Variants in EMCN observed in about 807,000 individuals in gnomAD.
The protein encoded by EMCN is MUC-14.
A neutral mutation model predicts 38.4 loss-of-function variants in EMCN; 37 were observed. The observed-to-expected ratio is 0.96, with a 90% confidence interval of 0.74 to 1.27. The LOEUF (loss-of-function observed/expected upper bound fraction) is 1.27. Ranked by LOEUF, EMCN falls within the 50% of genes most tolerant of loss-of-function variation. The pLI, the probability that EMCN is intolerant of heterozygous loss-of-function variation, is 0.00. For missense variants in EMCN, 318 were observed against 302.8 expected, an observed-to-expected ratio of 1.05 and a Z score of -0.37; for synonymous variants, 95 against 100.8, an observed-to-expected ratio of 0.94 and a Z score of 0.35.
At chr4:100,442,164 T>C (rs909686820) in intron 5 of EMCN, among the ~76,000 whole-genome samples, 1 of 152,196 alleles carries the variant, frequency 6.6e-6, no homozygotes, top group Non-Finnish European at 1.5e-5. Context: ...TTGAACATAG[T>C]ATAGTTGGCT....
chr4:100,475,873 G>A lies in EMCN; in HGVS notation c.188-764C>T, dbSNP rs142841623. On this transcript the variant is annotated intron_variant, in intron 2 of 11. Coordinates refer to ENST00000296420, the MANE Select transcript of EMCN (RefSeq NM_016242.4). ...TTTTGTATTTTTTGTTGGTAGAGAC[G>A]GGGTTTCACCGTGTTAGCGAGGATG... Among the ~76,000 whole-genome samples, 108 of 151,706 alleles carry A rather than the reference G, an allele frequency of 7.1e-4. 1 individual carries two copies. The highest frequency in any genetic ancestry group is 1.0e-3 in the Non-Finnish European group (69 of 67,892).
intron 5 of EMCN, among the ~76,000 whole-genome samples, chr4:100,442,737 T>A (rs967168466): frequency 6.6e-6 from 1 of 152,152 alleles, no homozygotes; most frequent in Non-Finnish European, 1.5e-5. Flanking sequence ...ATATCTGTCT[T>A]TTCATTGAAT....
chr4:100,408,288 A>C (rs1008110892), intron 11 of EMCN, among the ~76,000 whole-genome samples: 1 of 152,146 alleles, frequency 6.6e-6, no homozygotes, highest in African/African-American at 2.4e-5. Flanking sequence ...GGAGGTAAGG[A>C]GGCAATCTGG....
intron 3 of EMCN, among the ~76,000 whole-genome samples, chr4:100,467,265 G>T (rs1397684436): frequency 6.6e-6 from 1 of 152,116 alleles, no homozygotes; most frequent in Non-Finnish European, 1.5e-5. Flanking sequence ...AACTCAAACT[G>T]AATAGAATAA....
At chr4:100,424,027 T>C (rs969299695) in intron 5 of EMCN, among the ~76,000 whole-genome samples, 1 of 152,118 alleles carries the variant, frequency 6.6e-6, no homozygotes, top group Admixed American at 6.6e-5. Context: ...AAGGAAAATA[T>C]AAATTAAAAA....
At chr4:100,474,986 T>C in intron 3 of EMCN, 52 bp downstream of exon 3, 1 of 982,984 alleles carries the variant, frequency 1.0e-6, no homozygotes, top group Non-Finnish European at 1.5e-6. Context: ...GACTATTATG[T>C]TATGTGAATT....
intron 4 of EMCN, among the ~76,000 whole-genome samples, chr4:100,458,701 A>G (rs1728085405): frequency 6.6e-6 from 1 of 152,186 alleles, no homozygotes; most frequent in South Asian, 2.1e-4. Context: ...CTGTATTCCA[A>G]CAACAAACAT....
chr4:100,481,699 A>G (rs1029689696), intron 1 of EMCN, among the ~76,000 whole-genome samples: 1 of 152,086 alleles, frequency 6.6e-6, no homozygotes, highest in African/African-American at 2.4e-5. Flanking sequence ...TTTAAATTTC[A>G]TATTGAGGTT....
intron 1 of EMCN, among the ~76,000 whole-genome samples, chr4:100,505,704 G>A (rs1189771066): frequency 6.6e-6 from 1 of 152,086 alleles, no homozygotes; most frequent in Non-Finnish European, 1.5e-5. Flanking sequence ...GCCACATCAA[G>A]TAATGTCTTT....
intron 1 of EMCN, among the ~76,000 whole-genome samples, chr4:100,501,911 G>A (rs1379538393): frequency 6.6e-6 from 1 of 150,396 alleles, no homozygotes; most frequent in Non-Finnish European, 1.5e-5. Flanking sequence ...ATGTTTACAT[G>A]GTGTCATTTG....
chr4:100,483,552 A>C (rs1007896731), intron 1 of EMCN: 1 of 152,206 alleles, frequency 6.6e-6, no homozygotes, highest in Non-Finnish European at 1.5e-5. Context: ...GTATGTATAC[A>C]TACGAACACA....
chr4:100,441,084 T>C (rs1727502517), intron 5 of EMCN, among the ~76,000 whole-genome samples: 1 of 151,056 alleles, frequency 6.6e-6, no homozygotes, highest in Non-Finnish European at 1.5e-5. Flanking sequence ...TGAGACTCTG[T>C]CTCAAAAAAA....
intron 1 of EMCN, among the ~76,000 whole-genome samples, chr4:100,516,846 G>C (rs893212782): frequency 6.6e-6 from 1 of 151,962 alleles, no homozygotes; most frequent in Admixed American, 6.6e-5. Flanking sequence ...AATTAGAAAT[G>C]AATGTTTTTG....
At chr4:100,402,329 T>A (rs1199649423) in intron 11 of EMCN, among the ~76,000 whole-genome samples, 1 of 152,168 alleles carries the variant, frequency 6.6e-6, no homozygotes, top group African/African-American at 2.4e-5. Flanking sequence ...ATTTTTAACA[T>A]AGGTGATGAT....
At chr4:100,449,119 A>G (rs1727768134) in intron 4 of EMCN, among the ~76,000 whole-genome samples, 2 of 152,110 alleles carry the variant, frequency 1.3e-5, no homozygotes, top group African/African-American at 4.8e-5. Flanking sequence ...GTAGAAACAT[A>G]TGGATAGAAT....
At chr4:100,500,988 C>T (rs1365163287) in intron 1 of EMCN, among the ~76,000 whole-genome samples, 1 of 151,606 alleles carries the variant, frequency 6.6e-6, no homozygotes, top group Non-Finnish European at 1.5e-5. Context: ...GTTATATATA[C>T]ACAGCAAATA....
chr4:100,452,583 C>T (rs1727873752), intron 4 of EMCN, among the ~76,000 whole-genome samples: 1 of 152,092 alleles, frequency 6.6e-6, no homozygotes, highest in South Asian at 2.1e-4. Context: ...ATAGTCCCTC[C>T]TTCCCTGCCA....
chr4:100,485,338 C>A (rs571347166), intron 1 of EMCN, among the ~76,000 whole-genome samples: 1 of 152,070 alleles, frequency 6.6e-6, no homozygotes, highest in Non-Finnish European at 1.5e-5. Context: ...GCCAGTTTTT[C>A]AGTTATGATT....
At chr4:100,452,413 C>T (rs981873125) in intron 4 of EMCN, among the ~76,000 whole-genome samples, 12 of 151,966 alleles carry the variant, frequency 7.9e-5, no homozygotes, top group Non-Finnish European at 2.9e-5. Flanking sequence ...GTAGAAGAAA[C>T]TCTCACTTGG....
Sources: allele counts gnomAD v4.1 joint callset (sites outside exome capture counted in the v4.1 genomes callset), GRCh38; gene constraint gnomAD v4.1.1; transcripts MANE v1.5; gene names NCBI Gene and HGNC (gene_info 2026-07-23, HGNC 2026-07-21).